SORCS1: variants seen among roughly 807,000 people sequenced by gnomAD.
The protein encoded by SORCS1 is sortilin related VPS10 domain containing receptor 1, also known as VPS10 domain-containing receptor SorCS1.
In SORCS1, 60 loss-of-function variants were observed where a neutral mutation model predicts 146.1. That is an observed-to-expected ratio of 0.41 (90% CI 0.33 to 0.51). The LOEUF (loss-of-function observed/expected upper bound fraction) is 0.51, where lower values mean the gene tolerates loss of function less well. Ranked by LOEUF, SORCS1 falls within the 20% of genes least tolerant of loss-of-function variation. The probability of loss-of-function intolerance (pLI) is 0.21; values close to 1 mark genes in which losing one functional copy is unlikely to be tolerated. For missense variants in SORCS1, 1,352 were observed against 1,487.6 expected, an observed-to-expected ratio of 0.91 and a Z score of 1.50; for synonymous variants, 637 against 584.0, an observed-to-expected ratio of 1.09 and a Z score of -1.31.
intron 1 of SORCS1, among the ~76,000 whole-genome samples, chr10:107,097,058 A>C (rs888866585): frequency 6.6e-6 from 1 of 152,212 alleles, no homozygotes; most frequent in Non-Finnish European, 1.5e-5. Flanking sequence ...CTTTTCGCAA[A>C]GTCACAGAAA....
At chr10:107,155,801 G>T (rs1021845415) in intron 1 of SORCS1, among the ~76,000 whole-genome samples, 1 of 152,106 alleles carries the variant, frequency 6.6e-6, no homozygotes, top group African/African-American at 2.4e-5. Flanking sequence ...GACTAGAGGC[G>T]TCAATCTATT....
rs373244896 is a variant in SORCS1, at chr10:107,141,676, T to C, written c.558+22293A>G. On this transcript the variant is annotated intron_variant, in intron 1 of 25. Coordinates refer to ENST00000263054, the MANE Select transcript of SORCS1 (RefSeq NM_052918.5). ...CTTGGGTTTCCAGTTAAGGCCCTAA[T>C]TGGGTCTATTTTAAAGGCTGCCTGT... Among the ~76,000 whole-genome samples the C allele has an allele frequency of 5.3e-5, 8 of 152,284 alleles. No individual in the cohort carries two copies. In the East Asian group the frequency reaches 1.5e-3, roughly 29 times the overall value.
chr10:106,864,065 T>C (rs1466357666), intron 2 of SORCS1, among the ~76,000 whole-genome samples: 1 of 152,188 alleles, frequency 6.6e-6, no homozygotes, highest in Non-Finnish European at 1.5e-5. Context: ...ATGTAGCCTG[T>C]GTGAAGTTAA....
In SORCS1 at chr10:106,709,257, G is replaced by C; in HGVS notation, c.1109C>G (p.Ser370Cys). ...QPFPGYIDPD[S>C]LIVQDHYVFV... ...CACATAATGATCCTGAACAATCAAA[G>C]AGTCTGGGTCAATGTAGCCTGGAAA... Residue 370 changes from serine (S) to cysteine (C), a missense_variant, in exon 7 of 26, where the codon TCT becomes TGT. Transcript: ENST00000263054. 1.2e-6 allele frequency: 2 copies of C among 1,613,728 alleles called. No individual in the cohort carries two copies. Among genetic ancestry groups the C allele is most frequent in the Non-Finnish European group, 1.7e-6 (2 of 1,179,804 alleles).
chr10:106,998,830 A>G (rs1957100848), intron 1 of SORCS1, among the ~76,000 whole-genome samples: 1 of 152,222 alleles, frequency 6.6e-6, no homozygotes, highest in African/African-American at 2.4e-5. Context: ...GACTTTGCAA[A>G]GATTAATTTC....
chr10:106,686,958 C>G (rs1424074276), intron 10 of SORCS1, among the ~76,000 whole-genome samples: 1 of 152,190 alleles, frequency 6.6e-6, no homozygotes, highest in African/African-American at 2.4e-5. Flanking sequence ...AGTTCATACA[C>G]ACACAACCCC....
chr10:106,670,692 G>GC (rs978778924), intron 16 of SORCS1, among the ~76,000 whole-genome samples: 2 of 148,556 alleles, frequency 1.3e-5, no homozygotes, highest in African/African-American at 5.0e-5. Flanking sequence ...GAAAGAATCT[G>GC]CCCATTTTTT....
At chr10:107,030,939 T>C (rs979925792) in intron 1 of SORCS1, among the ~76,000 whole-genome samples, 3 of 152,200 alleles carry the variant, frequency 2.0e-5, no homozygotes, top group African/African-American at 7.2e-5. Context: ...TGCCAACTCT[T>C]CTGCAATTCA....
chr10:107,124,560 T>C (rs2134572966), intron 1 of SORCS1, among the ~76,000 whole-genome samples: 1 of 152,256 alleles, frequency 6.6e-6, no homozygotes. Flanking sequence ...GAACCATTAA[T>C]GGCATCAATT....
chr10:106,897,801 C>T (rs960099313), intron 2 of SORCS1, among the ~76,000 whole-genome samples: 17 of 152,240 alleles, frequency 1.1e-4, no homozygotes, highest in African/African-American at 2.2e-4. Flanking sequence ...CTGTAACCAA[C>T]GCTTAGTCAA....
intron 3 of SORCS1, among the ~76,000 whole-genome samples, chr10:106,801,897 AC>A: frequency 1.3e-5 from 2 of 152,322 alleles, no homozygotes; most frequent in African/African-American, 4.8e-5. Context: ...GTCCAAGACC[AC>A]ATAGATGATA....
At chr10:106,685,083 C>T (rs1469879829) in intron 10 of SORCS1, among the ~76,000 whole-genome samples, 15 of 152,208 alleles carry the variant, frequency 9.9e-5, no homozygotes, top group Non-Finnish European at 1.5e-5. Flanking sequence ...TTTCTTCCAT[C>T]TTAATGAGCT....
At chr10:107,109,052 C>A (rs753263068) in intron 1 of SORCS1, among the ~76,000 whole-genome samples, 6 of 152,234 alleles carry the variant, frequency 3.9e-5, no homozygotes, top group African/African-American at 1.2e-4. Flanking sequence ...CAGCTCTACC[C>A]TTGTGGCTTT....
intron 13 of SORCS1, among the ~76,000 whole-genome samples, chr10:106,675,714 G>A (rs1851978012): frequency 6.6e-6 from 1 of 152,170 alleles, no homozygotes; most frequent in African/African-American, 2.4e-5. Context: ...AAATGCTTGT[G>A]TCCTCTCTAA....
intron 2 of SORCS1, 66 bp downstream of exon 2, chr10:106,956,447 G>T (rs1954946333): frequency 2.1e-6 from 3 of 1,442,236 alleles, no homozygotes; most frequent in Non-Finnish European, 2.9e-6. Flanking sequence ...AAAAGTGGGT[G>T]GGACAGCAGT....
intron 1 of SORCS1, among the ~76,000 whole-genome samples, chr10:107,043,239 T>A (rs1959184993): frequency 6.6e-6 from 1 of 152,118 alleles, no homozygotes; most frequent in South Asian, 2.1e-4. Context: ...CTGGAAAGCA[T>A]CTAAGGAAAA....
In SORCS1 at chr10:106,577,784, T is replaced by C. The variant is rs1454063400; in HGVS notation, c.3372-229A>G. The stretch of plus-strand genomic sequence containing the variant: ...TGAGTAGACAGGGTGAATGCTTCTC[T>C]GGACTTGAAGGCAGAAAAGACTTTT... On this transcript the variant is annotated intron_variant, in intron 25 of 25. Transcript: ENST00000263054. The C allele has an allele frequency of 1.1e-5, 8 of 704,294 alleles. 1 individual carries two copies. In the East Asian group the frequency reaches 2.2e-4, roughly 20 times the overall value. The allele number at this position is 704,294 out of a possible 1,614,324, so 43.6% of individuals were successfully genotyped here. A position where few individuals can be genotyped will look rare whatever the true frequency, so the allele number is the denominator to read the frequency against.
chr10:106,781,017 T>C (rs923055875), intron 3 of SORCS1, among the ~76,000 whole-genome samples: 4 of 151,798 alleles, frequency 2.6e-5, no homozygotes, highest in African/African-American at 9.7e-5. Context: ...GACAGCTCAG[T>C]GTCATCAAAA....
chr10:106,902,763 T>G (rs1358582153), intron 2 of SORCS1, among the ~76,000 whole-genome samples: 1 of 152,248 alleles, frequency 6.6e-6, no homozygotes, highest in African/African-American at 2.4e-5. Flanking sequence ...TATTCCTGCA[T>G]AACAAGACAC....
Sources: allele counts gnomAD v4.1 joint callset (sites outside exome capture counted in the v4.1 genomes callset), GRCh38; gene constraint gnomAD v4.1.1; transcripts MANE v1.5; gene names NCBI Gene and HGNC (gene_info 2026-07-23, HGNC 2026-07-21).